The following SLC25A21 variants were observed in gnomAD, a reference collection of about 807,000 sequenced individuals.
The protein encoded by SLC25A21 is mitochondrial 2-oxodicarboxylate carrier.
SLC25A21 carries 47 observed loss-of-function variants against 43.8 expected under a neutral mutation model. The observed-to-expected ratio is 1.07, with a 90% confidence interval of 0.85 to 1.37. The LOEUF is 1.37. Among genes scored for constraint, SLC25A21 ranks in the 40% most tolerant of loss-of-function variants. SLC25A21 has a pLI of 0.00. For synonymous variants in SLC25A21, 131 were observed against 121.3 expected (o/e 1.08, Z -0.52); for missense variants, 352 against 350.2 (o/e 1.00, Z -0.04).
chr14:36,739,083 CT>C (rs1417780047), intron 3 of SLC25A21, among the ~76,000 whole-genome samples: 1 of 152,038 alleles, frequency 6.6e-6, no homozygotes, highest in Non-Finnish European at 1.5e-5. Flanking sequence ...TTTAAAACAA[CT>C]ATTTTAATAA....
chr14:36,804,417 T>G (rs55950386), intron 3 of SLC25A21, among the ~76,000 whole-genome samples: 2,119 of 152,296 alleles, frequency 0.014, 42 homozygotes, highest in African/African-American at 0.049. Flanking sequence ...CAAATACAGC[T>G]GTGGAATGTT....
rs564214635 is a variant in SLC25A21, at chr14:36,679,724, C to A, written c.*934G>T. The A allele has an allele frequency of 1.4e-4, 139 of 985,400 alleles. No homozygotes were observed. In the South Asian group the frequency reaches 2.9e-3, roughly 20 times the overall value. 61.0% of individuals were successfully genotyped at this position (985,400 alleles called of 1,614,324 possible). A position where few individuals can be genotyped will look rare whatever the true frequency, so the allele number is the denominator to read the frequency against. The stretch of plus-strand genomic sequence containing the variant: ...AAAATGCAGTTCTGTTCTATACATT[C>A]TTCCTAAAAATGGCACAGGTAGGCA... On this transcript the variant is annotated 3_prime_UTR_variant, in exon 10 of 10. Transcript: ENST00000331299.
At chr14:36,718,880 C>T (rs1490200220) in intron 6 of SLC25A21, among the ~76,000 whole-genome samples, 1 of 152,106 alleles carries the variant, frequency 6.6e-6, no homozygotes, top group African/African-American at 2.4e-5. Flanking sequence ...GGCTGAACAT[C>T]TTTAAAGAAG....
intron 3 of SLC25A21, among the ~76,000 whole-genome samples, chr14:36,767,122 T>A (rs754996227): frequency 1.1e-4 from 16 of 152,242 alleles, no homozygotes; most frequent in Non-Finnish European, 2.1e-4. Flanking sequence ...TATTTTATAT[T>A]CAGTGATTCT....
chr14:37,023,598 T>C (rs1395967288), intron 1 of SLC25A21, among the ~76,000 whole-genome samples: 1 of 152,072 alleles, frequency 6.6e-6, no homozygotes, highest in Non-Finnish European at 1.5e-5. Context: ...TGAAACCATC[T>C]GTGCCTTTGT....
At position 36,772,159 on chromosome 14, in the gene SLC25A21, A is replaced by G. The variant is rs368203710; in HGVS notation, c.204-37586T>C. Among the ~76,000 whole-genome samples the G allele has an allele frequency of 9.2e-5, 14 of 152,338 alleles. No homozygotes were observed. In the South Asian group the frequency reaches 2.1e-3, roughly 23 times the overall value. ...TCTGTCAGGAGCAAGTTTTGCCCCA[A>G]AAGCCTACATAGGAAGTGAAAAGGG... On this transcript the variant is annotated intron_variant, in intron 3 of 9. Transcript: ENST00000331299.
chr14:37,140,359 A>G lies in SLC25A21; in HGVS notation c.70+31922T>C, dbSNP rs139817949. ...CATTCCCTAGAACCACATCTGACAC[A>G]TATCTGCAGCTTGATAATTCTTGGT... On this transcript the variant is annotated intron_variant, in intron 1 of 9. Coordinates refer to ENST00000331299, the MANE Select transcript of SLC25A21 (RefSeq NM_030631.4). Among the ~76,000 whole-genome samples the G allele has an allele frequency of 6.3e-3, 954 of 152,326 alleles. 6 individuals are homozygous for G. Among genetic ancestry groups the G allele is most frequent in the African/African-American group, 0.02 (822 of 41,572 alleles).
At chr14:37,012,550 TCA>T (rs1205979504) in intron 1 of SLC25A21, among the ~76,000 whole-genome samples, 1 of 152,162 alleles carries the variant, frequency 6.6e-6, no homozygotes, top group East Asian at 1.9e-4. Flanking sequence ...AAATTTAACC[TCA>T]GTTTCAAGGC....
At chr14:36,737,546 T>C (rs1360942928) in intron 3 of SLC25A21, among the ~76,000 whole-genome samples, 4 of 152,156 alleles carry the variant, frequency 2.6e-5, no homozygotes, top group South Asian at 2.1e-4. Context: ...TGTTGGTAAA[T>C]GGAAGCTAGG....
At chr14:36,767,929 C>T (rs1395185240) in intron 3 of SLC25A21, among the ~76,000 whole-genome samples, 1 of 152,156 alleles carries the variant, frequency 6.6e-6, no homozygotes, top group Non-Finnish European at 1.5e-5. Context: ...CCCTTTTTGA[C>T]TGGACATCTG....
chr14:36,943,331 A>G (rs1892609846), intron 1 of SLC25A21, among the ~76,000 whole-genome samples: 1 of 152,082 alleles, frequency 6.6e-6, no homozygotes, highest in East Asian at 1.9e-4. Context: ...AGCTAGAATT[A>G]CAGGCACGCT....
At chr14:37,027,484 AAGGG>A (rs1961117540) in intron 1 of SLC25A21, among the ~76,000 whole-genome samples, 1 of 152,098 alleles carries the variant, frequency 6.6e-6, no homozygotes. Flanking sequence ...TGTATTTTTT[AAGGG>A]CAGTGGGAAG....
intron 1 of SLC25A21, chr14:37,098,695 G>A (rs545166676): frequency 6.0e-5 from 9 of 149,066 alleles, no homozygotes; most frequent in Middle Eastern, 3.5e-3. Flanking sequence ...CTTATAGGAC[G>A]ATTAGATAGA....
intron 1 of SLC25A21, among the ~76,000 whole-genome samples, chr14:37,015,026 T>C (rs1408475749): frequency 6.6e-6 from 1 of 152,006 alleles, no homozygotes; most frequent in East Asian, 1.9e-4. Context: ...GCACAGCAGA[T>C]TTGGCATAAT....
At chr14:36,812,778 C>T (rs560312695) in intron 3 of SLC25A21, among the ~76,000 whole-genome samples, 21 of 152,126 alleles carry the variant, frequency 1.4e-4, no homozygotes, top group East Asian at 1.9e-4. Context: ...CAGTTAAGAG[C>T]GTGGGCTTTA....
intron 1 of SLC25A21, among the ~76,000 whole-genome samples, chr14:37,045,666 A>G (rs796199239): frequency 2.0e-5 from 3 of 152,334 alleles, no homozygotes; most frequent in African/African-American, 7.2e-5. Context: ...CTGGAAGGTC[A>G]GGCTCTGAAC....
intron 1 of SLC25A21, among the ~76,000 whole-genome samples, chr14:37,041,675 T>C (rs1961475585): frequency 6.6e-6 from 1 of 152,168 alleles, no homozygotes. Flanking sequence ...GTAATGTGTC[T>C]AGAGCAGAAT....
chr14:36,733,596 GTA>G (rs1431313792), intron 4 of SLC25A21, among the ~76,000 whole-genome samples: 2 of 152,164 alleles, frequency 1.3e-5, no homozygotes, highest in African/African-American at 2.4e-5. Context: ...CTGAGTAAAA[GTA>G]TATGAACTGT....
chr14:37,032,404 C>T (rs1594760745), intron 1 of SLC25A21, among the ~76,000 whole-genome samples: 2 of 151,938 alleles, frequency 1.3e-5, no homozygotes, highest in Admixed American at 6.6e-5. Context: ...GGCGTGGTGG[C>T]GTGTGCCTGT....
Sources: allele counts gnomAD v4.1 joint callset (sites outside exome capture counted in the v4.1 genomes callset), GRCh38; gene constraint gnomAD v4.1.1; transcripts MANE v1.5; gene names NCBI Gene and HGNC (gene_info 2026-07-23, HGNC 2026-07-21).